KIF20B: variants seen among roughly 807,000 people sequenced by gnomAD.
KIF20B encodes kinesin family member 20B.
A neutral mutation model predicts 232.5 loss-of-function variants in KIF20B; 188 were observed. The observed-to-expected ratio is 0.81, with a 90% confidence interval of 0.72 to 0.91. KIF20B has a LOEUF of 0.91. Among genes scored for constraint, KIF20B ranks in the 40% least tolerant of loss-of-function variants. The pLI, the probability that KIF20B is intolerant of heterozygous loss-of-function variation, is 0.00. For missense variants in KIF20B, 2,154 were observed against 2,055.9 expected (o/e 1.05, Z -0.92); for synonymous variants, 712 against 683.0 (o/e 1.04, Z -0.66).
chr10:89,729,049 GT>G, intron 17 of KIF20B, 78 bp from the exon 18 acceptor site: 2 of 1,169,660 alleles, frequency 1.7e-6, no homozygotes, highest in Non-Finnish European at 2.2e-6. Flanking sequence ...TTATAAAACT[GT>G]TTGCATTATT....
chr10:89,774,877 A>T lies in KIF20B; in HGVS notation c.*829A>T, dbSNP rs548476009. On this transcript the variant is annotated 3_prime_UTR_variant, in exon 33 of 33. Transcript: ENST00000371728. ...ACTGGTAACCATTCTTCTACTCTGT[A>T]TGCCCATGAGGTCAATTGATTTTAT... 4 of 152,100 alleles carry T rather than the reference A, an allele frequency of 2.6e-5. No homozygotes were observed. The highest frequency in any genetic ancestry group is 5.9e-5 in the Non-Finnish European group (4 of 67,908). 9.4% of individuals were successfully genotyped at this position (152,100 alleles called of 1,614,324 possible).
chr10:89,767,101 T>A (rs1165918418), intron 29 of KIF20B, among the ~76,000 whole-genome samples: 6 of 152,008 alleles, frequency 3.9e-5, no homozygotes, highest in African/African-American at 1.2e-4. Flanking sequence ...TACTCAATCT[T>A]CACTGCTATA....
chr10:89,727,255 C>A (rs1447501628), intron 16 of KIF20B, among the ~76,000 whole-genome samples: 1 of 124,768 alleles, frequency 8.0e-6, no homozygotes, highest in Admixed American at 7.6e-5. Context: ...CTGTCTTCCC[C>A]CCCCCTTTTT....
intron 6 of KIF20B, among the ~76,000 whole-genome samples, chr10:89,711,494 G>A (rs1842836778): frequency 1.3e-5 from 2 of 152,024 alleles, no homozygotes; most frequent in Admixed American, 1.3e-4. Context: ...GAAGTAAAAA[G>A]TAAAAGTTTC....
At chr10:89,710,589 A>T (rs540415558) in intron 5 of KIF20B, among the ~76,000 whole-genome samples, 1 of 144,590 alleles carries the variant, frequency 6.9e-6, no homozygotes, top group Non-Finnish European at 1.5e-5. Flanking sequence ...TTACCCATTG[A>T]TAGAGATTTA....
chr10:89,713,038 A>G (rs1564658059), intron 6 of KIF20B, among the ~76,000 whole-genome samples: 1 of 152,294 alleles, frequency 6.6e-6, no homozygotes, highest in African/African-American at 2.4e-5. Context: ...TAGCCAATTC[A>G]TAGAGGAAAT....
intron 1 of KIF20B, among the ~76,000 whole-genome samples, chr10:89,704,223 G>A (rs868701772): frequency 6.6e-6 from 1 of 152,198 alleles, no homozygotes; most frequent in Middle Eastern, 3.4e-3. Context: ...ACTTTCTTGA[G>A]CTAGGAACCT....
chr10:89,740,226 GTGC>G (rs1564668000), intron 21 of KIF20B, among the ~76,000 whole-genome samples: 1 of 101,246 alleles, frequency 9.9e-6, no homozygotes, highest in Non-Finnish European at 2.0e-5. Flanking sequence ...CATTTTAATT[GTGC>G]TGTCTTTTTT....
At chr10:89,749,559 A>G (rs1306357525) in intron 23 of KIF20B, among the ~76,000 whole-genome samples, 1 of 152,116 alleles carries the variant, frequency 6.6e-6, no homozygotes, top group African/African-American at 2.4e-5. Context: ...ATCAGCAATC[A>G]TACCCCATTC....
At chr10:89,734,483 T>C (rs1285264763) in intron 19 of KIF20B, among the ~76,000 whole-genome samples, 1 of 152,334 alleles carries the variant, frequency 6.6e-6, no homozygotes, top group East Asian at 1.9e-4. Context: ...ATAAGTTTTT[T>C]CTTCTCCACA....
chr10:89,771,963 C>A (rs987256370), intron 31 of KIF20B, among the ~76,000 whole-genome samples: 1 of 151,842 alleles, frequency 6.6e-6, no homozygotes, highest in Non-Finnish European at 1.5e-5. Flanking sequence ...TTCTCCGATA[C>A]CTGGACTCTC....
At position 89,772,792 on chromosome 10, in the gene KIF20B, A is replaced by T. The variant is rs1289404676; in HGVS notation, c.5346A>T (p.Thr1782=). ...AACGAGCCAAACGGAAATTATACAC[A>T]AGTGAAATTTCATCTCCTATTGATA... is the stretch of plus-strand genomic sequence containing the variant. ...QPKRAKRKLY[T]SEISSPIDIS... is the part of the protein sequence containing the mutation. The change falls in exon 32 of 33, where the codon ACA becomes ACT. Residue 1782 remains threonine (T), a synonymous_variant. Transcript: ENST00000371728. 19 of 1,610,516 alleles carry T rather than the reference A, an allele frequency of 1.2e-5. No homozygotes were observed. The highest frequency in any genetic ancestry group is 1.7e-5 in the Admixed American group (1 of 59,684).
At chr10:89,752,302 T>C (rs541704872) in intron 24 of KIF20B, among the ~76,000 whole-genome samples, 2 of 152,224 alleles carry the variant, frequency 1.3e-5, no homozygotes, top group African/African-American at 2.4e-5. Context: ...TGAAGTTTTC[T>C]ATATAATAAG....
At chr10:89,769,550 A>G (rs972558771) in intron 31 of KIF20B, among the ~76,000 whole-genome samples, 3 of 151,944 alleles carry the variant, frequency 2.0e-5, no homozygotes, top group African/African-American at 7.2e-5. Flanking sequence ...CTGTTTATGT[A>G]CAATATGTCA....
At chr10:89,735,331 A>G (rs757850547) in intron 19 of KIF20B, among the ~76,000 whole-genome samples, 18 of 152,244 alleles carry the variant, frequency 1.2e-4, no homozygotes, top group Middle Eastern at 3.4e-3. Flanking sequence ...TTATTATTCT[A>G]TTTAGGTTTA....
At chr10:89,709,024 A>T (rs898426618) in intron 2 of KIF20B, 143 bp from the exon 3 acceptor site, 2 of 637,644 alleles carry the variant, frequency 3.1e-6, no homozygotes, top group East Asian at 2.9e-5. Flanking sequence ...TTTTTCTAAC[A>T]TTATTAAAAG....
chr10:89,710,425 C>T (rs1842813559), intron 5 of KIF20B, among the ~76,000 whole-genome samples: 1 of 152,062 alleles, frequency 6.6e-6, no homozygotes. Context: ...AATGGGGGTT[C>T]ACCATTTTGG....
rs1382772044 is a variant in KIF20B, at chr10:89,709,171, A to ACAGTTT, written c.154_159dup (p.Ser52_Phe53dup). The ACAGTTT allele has an allele frequency of 6.2e-7, 1 of 1,601,362 alleles. No individual in the cohort carries two copies. Among genetic ancestry groups the ACAGTTT allele is most frequent in the African/African-American group, 1.3e-5 (1 of 74,786 alleles). On this transcript the variant is annotated inframe_insertion, in exon 3 of 33. Coordinates refer to ENST00000371728, the MANE Select transcript of KIF20B (RefSeq NM_001284259.2). The stretch of plus-strand genomic sequence containing the variant: ...TTTTCTCCTTTATTTTTTAAGGCAA[A>ACAGTTT]CAGTTTCGAATCTAAAGATTATCTC...
intron 31 of KIF20B, among the ~76,000 whole-genome samples, 181 bp downstream of exon 31, chr10:89,769,069 G>A (rs904714297): frequency 6.6e-6 from 1 of 152,006 alleles, no homozygotes; most frequent in African/African-American, 2.4e-5. Context: ...TGTTCGCTAT[G>A]TAGTAGAAGA....
Sources: allele counts gnomAD v4.1 joint callset (sites outside exome capture counted in the v4.1 genomes callset), GRCh38; gene constraint gnomAD v4.1.1; transcripts MANE v1.5; gene names NCBI Gene and HGNC (gene_info 2026-07-23, HGNC 2026-07-21).